HAUS3: variants seen among roughly 807,000 people sequenced by gnomAD.
HAUS3 encodes HAUS augmin-like complex subunit 3.
A neutral mutation model predicts 55.2 loss-of-function variants in HAUS3; 36 were observed. The ratio of observed to expected loss-of-function variants is 0.65; its 90% CI spans 0.50 to 0.86. The LOEUF (loss-of-function observed/expected upper bound fraction) is 0.86, where lower values mean the gene tolerates loss of function less well. Ranked by LOEUF, HAUS3 falls within the 40% of genes least tolerant of loss-of-function variation. The pLI is 0.00. For synonymous variants in HAUS3, 234 were observed against 238.6 expected (o/e 0.98, Z 0.18); for missense variants, 752 against 671.5 (o/e 1.12, Z -1.33).
In HAUS3 at chr4:2,240,514, T is replaced by C. The variant is rs1734941639; in HGVS notation, c.433A>G (p.Thr145Ala). 2.5e-6 allele frequency: 4 copies of C among 1,613,892 alleles called. No homozygotes were observed. The highest frequency in any genetic ancestry group is 3.4e-6 in the Non-Finnish European group (4 of 1,179,976). Residue 145 changes from threonine (T) to alanine (A), a missense_variant, in exon 3 of 6, where the codon ACT becomes GCT. Transcript: ENST00000443786. ...LRLNAKEEEATKKLKQSQGIL... is the reference protein window; with the variant it reads ...LRLNAKEEEAAKKLKQSQGIL... ...CCTTGACTCTGCTTCAGCTTTTTAG[T>C]GGCTTCTTCTTCTTTAGCATTTAAC... is the stretch of plus-strand genomic sequence containing the variant.
chr4:2,241,958 G>GC, intron 1 of HAUS3, 93 bp downstream of exon 1: 3 of 985,382 alleles, frequency 3.0e-6, no homozygotes, highest in Non-Finnish European at 3.6e-6. Context: ...AGGAGCGCAG[G>GC]AAAAAAAAGA....
chr4:2,232,307 A>T (rs779926025), intron 5 of HAUS3, 147 bp from the exon 6 acceptor site: 1 of 482,112 alleles, frequency 2.1e-6, no homozygotes, highest in Admixed American at 4.1e-5. Context: ...TTTAAAATCC[A>T]TAACAGGTTT....
chr4:2,231,907 G>C lies in HAUS3; in HGVS notation c.*20C>G. Reference sequence around the variant, plus strand: ...TAAATAAAAGAGGACACGTAATAAAGATTCAGTTTTCAGTAATTTTCAATC... The same window carrying C: ...TAAATAAAAGAGGACACGTAATAAACATTCAGTTTTCAGTAATTTTCAATC... On this transcript the variant is annotated 3_prime_UTR_variant, in exon 6 of 6. Transcript: ENST00000443786. The C allele has an allele frequency of 1.0e-6, 1 of 1,003,928 alleles. No individual in the cohort carries two copies. Among genetic ancestry groups the C allele is most frequent in the South Asian group, 1.5e-5 (1 of 68,432 alleles). 62.2% of individuals were successfully genotyped at this position (1,003,928 alleles called of 1,614,324 possible). A position where few individuals can be genotyped will look rare whatever the true frequency, so the allele number is the denominator to read the frequency against.
In HAUS3 at chr4:2,238,929, C is replaced by T. The variant is rs1211228655; in HGVS notation, c.1024G>A (p.Glu342Lys). 1 of 1,611,314 alleles carries T rather than the reference C, an allele frequency of 6.2e-7. No homozygotes were observed. Among genetic ancestry groups the T allele is most frequent in the Non-Finnish European group, 8.5e-7 (1 of 1,178,852 alleles). ...GGCATATTCAATAACTGGGCATTCT[C>T]TCTTACCACAGCAGGTAAACTTCTG... Reference protein sequence around the residue: ...KDRSLPAVVRENAQLLNMPVV... With the variant: ...KDRSLPAVVRKNAQLLNMPVV... Residue 342 changes from glutamate to lysine, a missense_variant, in exon 4 of 6, where the codon GAG becomes AAG. Physicochemically the swap from Glu to Lys is moderately conservative, Grantham distance 56. Coordinates refer to ENST00000443786, the MANE Select transcript of HAUS3 (RefSeq NM_001303143.2).
At position 2,240,595 on chromosome 4, in the gene HAUS3, G is replaced by A. The variant is rs201688781; in HGVS notation, c.352C>T (p.Gln118Ter). The A allele has an allele frequency of 2.5e-6, 4 of 1,612,286 alleles. No individual in the cohort carries two copies. Among genetic ancestry groups the A allele is most frequent in the African/African-American group, 2.7e-5 (2 of 74,706 alleles). ...TLLKLKNLKIQRRNKCQLMAS... is the reference protein window; with the variant it reads ...TLLKLKNLKI ...ATCAATTGACATTTATTACGTCGCT[G>A]AATTTTTAGGTTCTTTAATTTCAGT... Residue 118 changes from glutamine (Q) to a stop codon, truncating the protein, a stop_gained, in exon 3 of 6, where the codon CAG becomes TAG. Coordinates refer to ENST00000443786, the MANE Select transcript of HAUS3 (RefSeq NM_001303143.2). LOFTEE classifies it high-confidence loss of function.
At position 2,240,768 on chromosome 4, in the gene HAUS3, G is replaced by A. The variant is rs375311093; in HGVS notation, c.179C>T (p.Ala60Val). The change falls in exon 3 of 6, where the codon GCT becomes GTT. Residue 60 changes from alanine (A) to valine (V), a missense_variant. Physicochemically the swap from Ala to Val is moderately conservative, Grantham distance 64. Transcript: ENST00000443786. Reference protein sequence around the residue: ...QNVLSERELEAFSILQKSGKP... With the variant: ...QNVLSERELEVFSILQKSGKP... Reference sequence around the variant, plus strand: ...GCCTGATTTCTGAAGAATGCTAAAAGCTTCCAATTCTCTTTCAGACAACAC... The same window carrying A: ...GCCTGATTTCTGAAGAATGCTAAAAACTTCCAATTCTCTTTCAGACAACAC... 1.4e-5 allele frequency: 23 copies of A among 1,613,774 alleles called. No homozygotes were observed. The highest frequency in any genetic ancestry group is 1.8e-5 in the Non-Finnish European group (21 of 1,180,000).
At chr4:2,241,327 CT>C (rs1473346843) in intron 2 of HAUS3, among the ~76,000 whole-genome samples, 192 bp downstream of exon 2, 1 of 152,306 alleles carries the variant, frequency 6.6e-6, no homozygotes, top group Admixed American at 6.5e-5. Context: ...TCCATTTTAT[CT>C]TTTTTTCCAA....
chr4:2,232,886 GCT>G (rs1734633576), intron 5 of HAUS3, among the ~76,000 whole-genome samples: 3 of 152,078 alleles, frequency 2.0e-5, no homozygotes, highest in Admixed American at 2.0e-4. Flanking sequence ...AAAATCTGTT[GCT>G]CTAACTACCC....
At chr4:2,234,452 T>A in intron 5 of HAUS3, 1 of 153,060 alleles carries the variant, frequency 6.5e-6, no homozygotes, top group African/African-American at 2.4e-5. Flanking sequence ...CTGCCCCATA[T>A]CCTTGGTCTT....
In HAUS3 at chr4:2,238,658, G is replaced by A. The variant is rs749753405; in HGVS notation, c.1295C>T (p.Ser432Phe). The A allele has an allele frequency of 1.2e-6, 2 of 1,612,526 alleles. No homozygotes were observed. The highest frequency in any genetic ancestry group is 1.1e-5 in the South Asian group (1 of 91,016). ...QLEMLTDPSV[S>F]QQINPRNTID... ...GGTATTCCTTGGATTTATCTGTTGA[G>A]AAACTGATGGATCTGTTAACATTTC... The change falls in exon 4 of 6, where the codon TCT becomes TTT. Residue 432 changes from serine to phenylalanine, a missense_variant. Transcript: ENST00000443786.
intron 3 of HAUS3, among the ~76,000 whole-genome samples, chr4:2,239,727 A>T (rs1734902163): frequency 6.6e-6 from 1 of 152,226 alleles, no homozygotes; most frequent in Admixed American, 6.5e-5. Flanking sequence ...GCCACATCTT[A>T]AAAAGAAAAT....
Position 2,236,312 on chromosome 4 carries a change from G to T in HAUS3, c.1494C>A (p.Phe498Leu), listed in dbSNP as rs763337953. Reference sequence around the variant, plus strand: ...CATCCTTATTCCGTTTGGACAGAAAGAAAGAATGTTCTTGAGCAGATACTG... The same window carrying T: ...CATCCTTATTCCGTTTGGACAGAAATAAAGAATGTTCTTGAGCAGATACTG... ...QLAVSAQEHS[F>L]FLSKRNKDVD... Residue 498 changes from phenylalanine (F) to leucine (L), a missense_variant, in exon 5 of 6, where the codon TTC becomes TTA. Transcript: ENST00000443786. 5.0e-6 allele frequency: 8 copies of T among 1,613,740 alleles called. No individual in the cohort carries two copies. The East Asian group carries it at 1.6e-4, about 31-fold the overall frequency.
chr4:2,229,454 T>C lies in HAUS3; in HGVS notation c.*2473A>G, dbSNP rs1734499031. 2 of 379,350 alleles carry C rather than the reference T, an allele frequency of 5.3e-6. No individual in the cohort carries two copies. The highest frequency in any genetic ancestry group is 9.1e-5 in the East Asian group (2 of 22,048). 23.5% of individuals were successfully genotyped at this position (379,350 alleles called of 1,614,324 possible). ...GGCTTAATCCAGGTATCATAGTAAATAGATAACTTATTTTCTAGGTGACCA... is the reference window on the plus strand; with the variant it reads ...GGCTTAATCCAGGTATCATAGTAAACAGATAACTTATTTTCTAGGTGACCA... On this transcript the variant is annotated 3_prime_UTR_variant, in exon 6 of 6. Transcript: ENST00000443786.
At position 2,230,425 on chromosome 4, in the gene HAUS3, T is replaced by G. The variant is rs1159710607; in HGVS notation, c.*1502A>C. The G allele has an allele frequency of 6.6e-6, 1 of 152,060 alleles. No individual in the cohort carries two copies. The highest frequency in any genetic ancestry group is 2.4e-5 in the African/African-American group (1 of 41,412). The allele number at this position is 152,060 out of a possible 1,614,324, so 9.4% of individuals were successfully genotyped here. A position where few individuals can be genotyped will look rare whatever the true frequency, so the allele number is the denominator to read the frequency against. ...CACATTTTTGGAGAAAATAAAAATT[T>G]TAAGTAAATTCTCTATTCCGAAATA... On this transcript the variant is annotated 3_prime_UTR_variant, in exon 6 of 6. Coordinates refer to ENST00000443786, the MANE Select transcript of HAUS3 (RefSeq NM_001303143.2).
chr4:2,228,867 A>G lies in HAUS3; in HGVS notation c.*3060T>C, dbSNP rs1336940694. On this transcript the variant is annotated 3_prime_UTR_variant, in exon 6 of 6. Transcript: ENST00000443786. ...AATACCTGATCCAGATTCTAAGGGA[A>G]TGTTTGACAGAAATACCTGGAATAA... The G allele has an allele frequency of 7.7e-6, 3 of 390,116 alleles. No homozygotes were observed. Among genetic ancestry groups the G allele is most frequent in the South Asian group, 1.1e-4 (2 of 18,858 alleles). 24.2% of individuals were successfully genotyped at this position (390,116 alleles called of 1,614,324 possible).
At chr4:2,239,192 T>G in intron 3 of HAUS3, 149 bp from the exon 4 acceptor site, 3 of 511,220 alleles carry the variant, frequency 5.9e-6, no homozygotes, top group Non-Finnish European at 1.0e-5. Context: ...AAATTACAGT[T>G]TAAAAGGGAA....
chr4:2,240,931 C>T lies in HAUS3; in HGVS notation c.16G>A (p.Glu6Lys), dbSNP rs1415678490. 27 of 1,596,446 alleles carry T rather than the reference C, an allele frequency of 1.7e-5. No individual in the cohort carries two copies. The highest frequency in any genetic ancestry group is 2.3e-5 in the Non-Finnish European group (27 of 1,178,408). MSCGNEFVETLKKIGY... is the reference protein window; with the variant it reads MSCGNKFVETLKKIGY... The stretch of plus-strand genomic sequence containing the variant: ...ATTTTTTTTAATGTTTCCACAAACT[C>T]ATTTCCACAACTCATGGTTTTAACT... The change falls in exon 3 of 6, where the codon GAG becomes AAG. Residue 6 changes from glutamate (E) to lysine (K), a missense_variant. Physicochemically the swap from Glu to Lys is moderately conservative, Grantham distance 56. Coordinates refer to ENST00000443786, the MANE Select transcript of HAUS3 (RefSeq NM_001303143.2).
At position 2,240,268 on chromosome 4, in the gene HAUS3, G is replaced by C. The variant is rs1052808146; in HGVS notation, c.679C>G (p.His227Asp). The C allele has an allele frequency of 1.2e-6, 2 of 1,613,530 alleles. No individual in the cohort carries two copies. The highest frequency in any genetic ancestry group is 2.7e-5 in the African/African-American group (2 of 74,900). Reference sequence around the variant, plus strand: ...TCATTTGAACTTTCAACTACTTCATGTATACCCTGAAAGAACTGTTTTTTG... The same window carrying C: ...TCATTTGAACTTTCAACTACTTCATCTATACCCTGAAAGAACTGTTTTTTG... ...YTKKQFFQGI[H>D]EVVESSNEDN... Residue 227 changes from histidine to aspartate, a missense_variant, in exon 3 of 6, where the codon CAT becomes GAT. Coordinates refer to ENST00000443786, the MANE Select transcript of HAUS3 (RefSeq NM_001303143.2).
rs1734854935 is a variant in HAUS3 at position 2,238,701 on chromosome 4, T to C, written c.1252A>G (p.Met418Val). 6.2e-7 allele frequency: 1 copy of C among 1,612,980 alleles called. No homozygotes were observed. The highest frequency in any genetic ancestry group is 1.7e-4 in the Middle Eastern group (1 of 6,050). The change falls in exon 4 of 6, where the codon ATG becomes GTG. Residue 418 changes from methionine to valine, a missense_variant. Transcript: ENST00000443786. ...LVQELSQSNM[M>V]LYKQLEMLTD... is the part of the protein sequence containing the mutation. Reference sequence around the variant, plus strand: ...AACATTTCTAATTGCTTGTAGAGCATCATGTTACTTTGACTAAGTTCTTGA... The same window carrying C: ...AACATTTCTAATTGCTTGTAGAGCACCATGTTACTTTGACTAAGTTCTTGA...
Sources: allele counts gnomAD v4.1 joint callset (sites outside exome capture counted in the v4.1 genomes callset), GRCh38; gene constraint gnomAD v4.1.1; transcripts MANE v1.5; gene names NCBI Gene and HGNC (gene_info 2026-07-23, HGNC 2026-07-21).